Variants in DMBT1 observed in about 807,000 individuals in gnomAD.
The protein encoded by DMBT1 is scavenger receptor cysteine-rich domain-containing protein DMBT1.
Under a neutral mutation model 252.9 loss-of-function variants are expected in DMBT1, and 198 were observed. That is an observed-to-expected ratio of 0.78 (90% CI 0.70 to 0.88). The LOEUF (loss-of-function observed/expected upper bound fraction) is 0.88. DMBT1 is among the 40% of genes least tolerant of loss of function. The pLI, the probability that DMBT1 is intolerant of heterozygous loss-of-function variation, is 0.00. For synonymous variants in DMBT1, 990 were observed against 942.7 expected, an observed-to-expected ratio of 1.05 and a Z score of -0.92; for missense variants, 2,432 against 2,404.7, an observed-to-expected ratio of 1.01 and a Z score of -0.24.
intron 52 of DMBT1, among the ~76,000 whole-genome samples, chr10:122,634,371 T>C (rs1457604508): frequency 2.9e-5 from 4 of 137,076 alleles, no homozygotes. Flanking sequence ...TTTCTTTCTT[T>C]CTTTCTTTCT....
At chr10:122,563,648 A>G (rs1291799827) in intron 1 of DMBT1, among the ~76,000 whole-genome samples, 3 of 151,972 alleles carry the variant, frequency 2.0e-5, no homozygotes, top group Admixed American at 6.5e-5. Flanking sequence ...GCAATTTACC[A>G]CCATTCCCAC....
rs891360739 is a variant in DMBT1 at position 122,599,039 on chromosome 10, C to T, written c.3222C>T (p.His1074=). ...GHESYLWSCP[H]NGWLSHNCGH... ...AGTCTTACCTGTGGAGCTGCCCCCA[C>T]AATGGCTGGCTCTCCCACAACTGTG... Residue 1074 remains histidine, a synonymous_variant, in exon 26 of 56, where the codon CAC becomes CAT. Coordinates refer to ENST00000338354, the MANE Select transcript of DMBT1 (RefSeq NM_001377530.1). The T allele has an allele frequency of 2.1e-5, 34 of 1,613,816 alleles. No homozygotes were observed. The highest frequency in any genetic ancestry group is 2.5e-5 in the Non-Finnish European group (29 of 1,179,740).
At position 122,598,004 on chromosome 10, in the gene DMBT1, C is replaced by A; in HGVS notation, c.2948C>A (p.Ser983Ter). The A allele has an allele frequency of 6.2e-7, 1 of 1,613,928 alleles. No individual in the cohort carries two copies. The highest frequency in any genetic ancestry group is 8.5e-7 in the Non-Finnish European group (1 of 1,179,862). ...TTGCCGACCATCACCTTGCCTGCAT[C>A]GACAGTAGGTAAATATTCCTCTCGC... ...DTLPTITLPA[S>*]TVGSESSLAL... Residue 983 changes from serine to a stop codon, truncating the protein, a stop_gained, in exon 25 of 56, where the codon TCG becomes TAG. Coordinates refer to ENST00000338354, the MANE Select transcript of DMBT1 (RefSeq NM_001377530.1). LOFTEE classifies it high-confidence loss of function.
At chr10:122,562,192 T>C (rs887920383) in intron 1 of DMBT1, among the ~76,000 whole-genome samples, 1 of 152,106 alleles carries the variant, frequency 6.6e-6, no homozygotes, top group Non-Finnish European at 1.5e-5. Flanking sequence ...TCTTTTATCT[T>C]TCCTACTGCC....
At chr10:122,618,643 T>C (rs948765718) in intron 41 of DMBT1, among the ~76,000 whole-genome samples, 6 of 152,218 alleles carry the variant, frequency 3.9e-5, no homozygotes, top group African/African-American at 1.4e-4. Context: ...TCTTCCCTGC[T>C]GAGTAGCACT....
chr10:122,628,983 G>GA (rs995733304), intron 46 of DMBT1, among the ~76,000 whole-genome samples: 11 of 150,252 alleles, frequency 7.3e-5, no homozygotes, highest in East Asian at 5.8e-4. Context: ...TTATGAAAAA[G>GA]AAAAAAAAAG....
intron 44 of DMBT1, among the ~76,000 whole-genome samples, chr10:122,622,289 G>A (rs780257122): frequency 2.0e-4 from 30 of 152,204 alleles, no homozygotes; most frequent in Middle Eastern, 3.4e-3. Context: ...CAATCAATGT[G>A]GTATCTACCA....
intron 54 of DMBT1, among the ~76,000 whole-genome samples, chr10:122,638,617 T>A (rs1005156445): frequency 7.3e-5 from 11 of 151,676 alleles, no homozygotes; most frequent in East Asian, 1.9e-4. Flanking sequence ...AATTAACAAA[T>A]TTTTTTTTGT....
chr10:122,627,791 A>G (rs1469341540), intron 46 of DMBT1, among the ~76,000 whole-genome samples: 2 of 152,240 alleles, frequency 1.3e-5, no homozygotes, highest in African/African-American at 4.8e-5. Flanking sequence ...ACGTATTTCT[A>G]TCTCATAAGG....
In DMBT1 at chr10:122,617,161, A is replaced by C. The variant is rs1358103404; in HGVS notation, c.4859-67A>C. 3 of 1,523,814 alleles carry C rather than the reference A, an allele frequency of 2.0e-6. No individual in the cohort carries two copies. The African/African-American group carries it at 4.2e-5, about 21-fold the overall frequency. The allele number at this position is 1,523,814 out of a possible 1,614,324, so 94.4% of individuals were successfully genotyped here. On this transcript the variant is annotated intron_variant, in intron 39 of 55. Transcript: ENST00000338354. ...GCCAGGTTGATTCCCCCTCCCAGAGAACCTTTTGTTCTGTGCCTTTTCCCT... is the reference window on the plus strand; with the variant it reads ...GCCAGGTTGATTCCCCCTCCCAGAGCACCTTTTGTTCTGTGCCTTTTCCCT...
intron 5 of DMBT1, among the ~76,000 whole-genome samples, chr10:122,572,604 C>A (rs2277234): frequency 0.69 from 103,943 of 151,450 alleles, 35,848 homozygotes; most frequent in East Asian, 0.77. Flanking sequence ...GTGATGTCTT[C>A]ATTGATGTTG....
chr10:122,600,510 G>T (rs997877700), intron 27 of DMBT1, among the ~76,000 whole-genome samples: 1 of 152,192 alleles, frequency 6.6e-6, no homozygotes, highest in African/African-American at 2.4e-5. Flanking sequence ...GAAACATTCC[G>T]AGATTATCAT....
At chr10:122,619,361 G>A (rs745388872) in intron 42 of DMBT1, 24 bp downstream of exon 42, 15 of 1,613,836 alleles carry the variant, frequency 9.3e-6, no homozygotes, top group Admixed American at 3.3e-5. Flanking sequence ...ATCCTTCATC[G>A]GGATGTCCCT....
rs369113788 is a variant in DMBT1, at chr10:122,598,974, G to C, written c.3157G>C (p.Gly1053Arg). The change falls in exon 26 of 56, where the codon GGA becomes CGA. Residue 1053 changes from glycine to arginine, a missense_variant. Transcript: ENST00000338354. ...AAATGCCCGGTTTGGTCAGGGCTCA[G>C]GACCCATTGTCCTGGATGATGTGCG... Reference protein sequence around the residue: ...PGNARFGQGSGPIVLDDVRCS... With the variant: ...PGNARFGQGSRPIVLDDVRCS... The C allele has an allele frequency of 1.9e-4, 308 of 1,613,800 alleles. 4 individuals carry two copies. Among genetic ancestry groups the C allele is most frequent in the South Asian group, 1.8e-3 (166 of 91,074 alleles).
In DMBT1 at chr10:122,599,151, G is replaced by A. The variant is rs1236621462; in HGVS notation, c.3280+54G>A. ...TCTTGGGGTGGAGTTTGCTCCAGAA[G>A]AAACTCCTAATTACATTCTGATCTC... On this transcript the variant is annotated intron_variant, in intron 26 of 55. Transcript: ENST00000338354. The A allele has an allele frequency of 7.4e-6, 12 of 1,612,940 alleles. No individual in the cohort carries two copies. In the East Asian group the frequency reaches 2.7e-4, roughly 36 times the overall value.
At chr10:122,618,615 G>A (rs537087643) in intron 41 of DMBT1, among the ~76,000 whole-genome samples, 1 of 152,174 alleles carries the variant, frequency 6.6e-6, no homozygotes, top group Non-Finnish European at 1.5e-5. Context: ...AAAAGTGCTG[G>A]CTCCCCACGG....
chr10:122,577,184 C>T (rs1027994077), intron 7 of DMBT1, among the ~76,000 whole-genome samples: 5 of 152,204 alleles, frequency 3.3e-5, no homozygotes, highest in African/African-American at 4.8e-5. Flanking sequence ...CCATTTTCCC[C>T]GAGGCTCCTT....
Position 122,598,859 on chromosome 10 carries a change from G to A in DMBT1, c.3042G>A (p.Trp1014Ter), listed in dbSNP as rs554359435. 1.2e-6 allele frequency: 2 copies of A among 1,613,806 alleles called. No homozygotes were observed. The highest frequency in any genetic ancestry group is 1.7e-6 in the Non-Finnish European group (2 of 1,179,774). Residue 1014 changes from tryptophan (W) to a stop codon, truncating the protein, a stop_gained, in exon 26 of 56, where the codon TGG becomes TGA. Transcript: ENST00000338354. LOFTEE classifies it high-confidence loss of function. ...GRVEVLYQGS[W>*]GTVCDDSWDT... ...TGGAGGTCCTATACCAAGGCTCCTG[G>A]GGCACCGTGTGCGATGACAGCTGGG...
Position 122,586,260 on chromosome 10 carries a change from G to T in DMBT1, c.1660G>T (p.Gly554Ter). 1.9e-6 allele frequency: 3 copies of T among 1,588,868 alleles called. 1 individual carries two copies. Among genetic ancestry groups the T allele is most frequent in the Non-Finnish European group, 2.6e-6 (3 of 1,165,936 alleles). The change falls in exon 16 of 56, where the codon GGA becomes TGA. Residue 554 changes from glycine to a stop codon, truncating the protein, a stop_gained. Coordinates refer to ENST00000338354, the MANE Select transcript of DMBT1 (RefSeq NM_001377530.1). LOFTEE classifies it high-confidence loss of function. ...AAATGCCCGGTTTGGTCAGGGCTCA[G>T]GACCCATTGTCCTGGATGACGTGCG... is the stretch of plus-strand genomic sequence containing the variant. ...PGNARFGQGS[G>*]PIVLDDVRCS...
Sources: allele counts gnomAD v4.1 joint callset (sites outside exome capture counted in the v4.1 genomes callset), GRCh38; gene constraint gnomAD v4.1.1; transcripts MANE v1.5; gene names NCBI Gene and HGNC (gene_info 2026-07-23, HGNC 2026-07-21).